The following KLHL29 variants were observed in gnomAD, a reference collection of about 807,000 sequenced individuals.
KLHL29 encodes the protein kelch like family member 29.
Under a neutral mutation model 80.4 loss-of-function variants are expected in KLHL29, and 21 were observed. The ratio of observed to expected loss-of-function variants is 0.26; its 90% CI spans 0.19 to 0.38. KLHL29 has a LOEUF of 0.38. KLHL29 is among the 10% of genes least tolerant of loss of function. The pLI, the probability that KLHL29 is intolerant of heterozygous loss-of-function variation, is 1.00. For synonymous variants in KLHL29, 511 were observed against 526.8 expected, an observed-to-expected ratio of 0.97 and a Z score of 0.41; for missense variants, 867 against 1,223.9, an observed-to-expected ratio of 0.71 and a Z score of 4.35.
At chr2:23,509,981 A>C (rs527262700) in intron 2 of KLHL29, among the ~76,000 whole-genome samples, 11 of 152,310 alleles carry the variant, frequency 7.2e-5, no homozygotes, top group Admixed American at 1.3e-4. Flanking sequence ...TATATTCCAA[A>C]AAAGATTTCC....
At chr2:23,480,489 CA>C (rs565118674) in intron 2 of KLHL29, among the ~76,000 whole-genome samples, 94 of 36,866 alleles carry the variant, frequency 2.5e-3, no homozygotes, top group South Asian at 9.8e-3. Flanking sequence ...GATTCTGTCT[CA>C]AAAAAAAACA....
intron 1 of KLHL29, among the ~76,000 whole-genome samples, chr2:23,429,166 G>T (rs997912878): frequency 6.6e-6 from 1 of 152,220 alleles, no homozygotes; most frequent in Non-Finnish European, 1.5e-5. Context: ...AGGCACGCAC[G>T]TGTGCATACA....
intron 2 of KLHL29, among the ~76,000 whole-genome samples, chr2:23,543,801 C>G (rs927138906): frequency 1.1e-4 from 17 of 152,204 alleles, no homozygotes; most frequent in African/African-American, 3.6e-4. Flanking sequence ...TGGATGTGTA[C>G]GCTCCTGGGG....
At chr2:23,480,818 G>C (rs1291157798) in intron 2 of KLHL29, among the ~76,000 whole-genome samples, 1 of 152,190 alleles carries the variant, frequency 6.6e-6, no homozygotes, top group Non-Finnish European at 1.5e-5. Context: ...TCTACGGGCT[G>C]TTAGAATATC....
chr2:23,594,508 A>G (rs367747972), intron 3 of KLHL29, among the ~76,000 whole-genome samples: 1 of 152,184 alleles, frequency 6.6e-6, no homozygotes, highest in African/African-American at 2.4e-5. Context: ...CTGTAAACAC[A>G]TTAAAAATGG....
intron 4 of KLHL29, among the ~76,000 whole-genome samples, chr2:23,641,213 C>G (rs1280302609): frequency 6.6e-6 from 1 of 152,232 alleles, no homozygotes; most frequent in Non-Finnish European, 1.5e-5. Context: ...CCTGGCACAG[C>G]TGACCTCGCC....
Position 23,642,471 on chromosome 2 carries a change from C to T in KLHL29, c.561C>T (p.Pro187=), listed in dbSNP as rs1357687233. 2 of 1,514,140 alleles carry T rather than the reference C, an allele frequency of 1.3e-6. No individual in the cohort carries two copies. The highest frequency in any genetic ancestry group is 4.9e-5 in the East Asian group (2 of 40,442). The allele number at this position is 1,514,140 out of a possible 1,614,324, so 93.8% of individuals were successfully genotyped here. Reference sequence around the variant, plus strand: ...AGGCCCCGGTCATTGGGGTGACCCCCTCACTGCCTCCCCACGTGGGGCCCC... The same window carrying T: ...AGGCCCCGGTCATTGGGGTGACCCCTTCACTGCCTCCCCACGTGGGGCCCC... ...NVQAPVIGVT[P]SLPPHVGPQL... The change falls in exon 5 of 14, where the codon CCC becomes CCT. Residue 187 remains proline (P), a synonymous_variant. Transcript: ENST00000486442.
intron 2 of KLHL29, among the ~76,000 whole-genome samples, chr2:23,482,826 CTCAT>C (rs55692243): frequency 0.12 from 18,701 of 150,220 alleles, 1,203 homozygotes; most frequent in Middle Eastern, 0.18. Context: ...GCAACGCTCA[CTCAT>C]TCATTCATTC....
chr2:23,512,126 T>C (rs1173795230), intron 2 of KLHL29, among the ~76,000 whole-genome samples: 1 of 152,170 alleles, frequency 6.6e-6, no homozygotes, highest in Non-Finnish European at 1.5e-5. Context: ...CTAACTTCTC[T>C]GAGCCTCAGT....
chr2:23,694,093 A>G (rs936613905), intron 8 of KLHL29, among the ~76,000 whole-genome samples: 2 of 151,910 alleles, frequency 1.3e-5, no homozygotes, highest in Non-Finnish European at 2.9e-5. Context: ...AGTCCCTATG[A>G]CTCCCAGATC....
Position 23,695,772 on chromosome 2 carries a change from C to T in KLHL29, c.1692C>T (p.His564=), listed in dbSNP as rs928699381. The T allele has an allele frequency of 5.4e-5, 83 of 1,551,242 alleles. No individual in the cohort carries two copies. The highest frequency in any genetic ancestry group is 2.7e-4 in the African/African-American group (20 of 73,180). Residue 564 remains histidine (H), a synonymous_variant, in exon 9 of 14, where the codon CAC becomes CAT. Transcript: ENST00000486442. The surrounding 1 kb of genome is among the most constrained non-coding windows in gnomAD (Gnocchi z 7.6). ...CCAAACGCTACCATATGCTGCCCCA[C>T]GCCCGCCAGGAGATGCAGACGCCCC... ...NEAKRYHMLP[H]ARQEMQTPRT...
At chr2:23,407,624 A>G (rs775827701) in intron 1 of KLHL29, among the ~76,000 whole-genome samples, 59 of 151,940 alleles carry the variant, frequency 3.9e-4, no homozygotes, top group Non-Finnish European at 6.6e-4. Flanking sequence ...CGAATCATCA[A>G]CGTTTTTGTT....
rs111611960 is a variant in KLHL29, at chr2:23,536,890, TCA to T, written c.-45-25234_-45-25233del. Among the ~76,000 whole-genome samples, 238 of 143,184 alleles carry T rather than the reference TCA, an allele frequency of 1.7e-3. 1 individual carries two copies. The highest frequency in any genetic ancestry group is 3.2e-3 in the South Asian group (14 of 4,310). The allele number at this position is 143,184 out of a possible 152,430, so 93.9% of individuals were successfully genotyped here. ...CTAACGAAATAGCGAAAGACAGATC[TCA>T]CACACACACACACACACACACACAC... On this transcript the variant is annotated intron_variant, in intron 2 of 13. Transcript: ENST00000486442.
intron 1 of KLHL29, among the ~76,000 whole-genome samples, chr2:23,447,449 C>T (rs1663729501): frequency 6.6e-6 from 1 of 152,190 alleles, no homozygotes; most frequent in Admixed American, 6.5e-5. Context: ...TTGCTTCCTG[C>T]TTCATCAATG....
chr2:23,600,210 A>G (rs1483015845), intron 3 of KLHL29, among the ~76,000 whole-genome samples: 1 of 152,212 alleles, frequency 6.6e-6, no homozygotes, highest in Non-Finnish European at 1.5e-5. Flanking sequence ...TGCAGTGACA[A>G]TAGGTTATAG....
chr2:23,450,570 C>G (rs1663848686), intron 1 of KLHL29, among the ~76,000 whole-genome samples: 1 of 151,868 alleles, frequency 6.6e-6, no homozygotes, highest in South Asian at 2.1e-4. Context: ...TATTGAAAGA[C>G]TAAAAAAAAA....
chr2:23,506,505 G>A (rs1438534914), intron 2 of KLHL29, among the ~76,000 whole-genome samples: 1 of 152,120 alleles, frequency 6.6e-6, no homozygotes, highest in Non-Finnish European at 1.5e-5. Context: ...ATTAATTGTT[G>A]TTACTCCACC....
rs139014733 is a variant in KLHL29 at position 23,524,006 on chromosome 2, G to A, written c.-45-38146G>A. The A allele has an allele frequency of 3.7e-3, 1,738 of 471,688 alleles. 7 individuals are homozygous for A. The highest frequency in any genetic ancestry group is 4.8e-3 in the Admixed American group (205 of 42,590). The allele number at this position is 471,688 out of a possible 1,614,324, so 29.2% of individuals were successfully genotyped here. A position where few individuals can be genotyped will look rare whatever the true frequency, so the allele number is the denominator to read the frequency against. On this transcript the variant is annotated intron_variant, in intron 2 of 13. Transcript: ENST00000486442. ...GGGAGCTTGCCTAAACACCACCAGC[G>A]TTGCTCTGTCATGTGAATGAGTTTT... is the stretch of plus-strand genomic sequence containing the variant.
intron 2 of KLHL29, among the ~76,000 whole-genome samples, chr2:23,524,520 G>T (rs1442596204): frequency 3.3e-5 from 5 of 152,240 alleles, no homozygotes; most frequent in Non-Finnish European, 4.4e-5. Flanking sequence ...GCAGGCCAGT[G>T]GGCTGGGTGT....
Sources: allele counts gnomAD v4.1 joint callset (sites outside exome capture counted in the v4.1 genomes callset), GRCh38; gene constraint gnomAD v4.1.1; non-coding constraint Gnocchi (gnomAD v3.1); transcripts MANE v1.5; gene names NCBI Gene and HGNC (gene_info 2026-07-23, HGNC 2026-07-21).